Variants in LIPN observed in about 807,000 individuals in gnomAD.
LIPN encodes the protein lipase family member N.
In LIPN, 32 loss-of-function variants were observed where a neutral mutation model predicts 43.7. That is an observed-to-expected ratio of 0.73 (90% CI 0.55 to 0.98). LIPN has a LOEUF of 0.98. Ranked by LOEUF, LIPN falls within the 50% of genes least tolerant of loss-of-function variation. The pLI is 0.00. For synonymous variants in LIPN, 156 were observed against 157.6 expected, an observed-to-expected ratio of 0.99 and a Z score of 0.08; for missense variants, 505 against 483.8, an observed-to-expected ratio of 1.04 and a Z score of -0.41.
Position 88,775,178 on chromosome 10 carries a change from G to A in LIPN, c.963+15G>A. On this transcript the variant is annotated intron_variant, in intron 9 of 9. Transcript: ENST00000404459. ...ATTACAATCAGGTGAGCTATTTACA[G>A]TAACCCCAGCATGCTGATTTTGATA... 1.3e-6 allele frequency: 2 copies of A among 1,502,364 alleles called. No homozygotes were observed. Among genetic ancestry groups the A allele is most frequent in the Non-Finnish European group, 1.8e-6 (2 of 1,105,756 alleles). 93.1% of individuals were successfully genotyped at this position (1,502,364 alleles called of 1,614,324 possible).
intron 5 of LIPN, among the ~76,000 whole-genome samples, chr10:88,766,873 C>T (rs1201549708): frequency 6.6e-6 from 1 of 151,908 alleles, no homozygotes; most frequent in Non-Finnish European, 1.5e-5. Context: ...AACACACAAG[C>T]TTACTATAAT....
rs377211160 is a variant in LIPN, at chr10:88,770,955, C to T, written c.783C>T (p.Ser261=). ...ILWLICSEFM[S]LWAGSNKKNM... Reference sequence around the variant, plus strand: ...GGTTGATATGTAGCGAATTTATGTCCTTATGGGCTGGATCCAACAAGAAAA... The same window carrying T: ...GGTTGATATGTAGCGAATTTATGTCTTTATGGGCTGGATCCAACAAGAAAA... Residue 261 remains serine, a synonymous_variant, in exon 7 of 10, where the codon TCC becomes TCT. Transcript: ENST00000404459. 6.4e-6 allele frequency: 10 copies of T among 1,570,872 alleles called. No individual in the cohort carries two copies. Among genetic ancestry groups the T allele is most frequent in the South Asian group, 2.3e-5 (2 of 85,348 alleles).
At chr10:88,761,779 T>G (rs12268129) in intron 2 of LIPN, among the ~76,000 whole-genome samples, 37 of 145,320 alleles carry the variant, frequency 2.5e-4, no homozygotes, top group African/African-American at 4.9e-4. Flanking sequence ...ATCTATCTAT[T>G]TATCTATCTA....
At chr10:88,765,388 T>C (rs572230010) in intron 4 of LIPN, among the ~76,000 whole-genome samples, 1 of 152,032 alleles carries the variant, frequency 6.6e-6, no homozygotes, top group South Asian at 2.1e-4. Flanking sequence ...AGTTTGAGAA[T>C]AGTGGAGGAA....
chr10:88,777,565 T>C (rs1281977993), intron 9 of LIPN, among the ~76,000 whole-genome samples: 1 of 151,968 alleles, frequency 6.6e-6, no homozygotes. Context: ...ATTATCTGCC[T>C]CCAAGTTTAT....
rs189377154 is a variant in LIPN, at chr10:88,768,745, C to T, written c.536-47C>T. ...AGCCCCAATTTTGTTAGAAACACTG[C>T]GTAAGTATTTATTTTTACAAGATTG... On this transcript the variant is annotated intron_variant, in intron 5 of 9. Transcript: ENST00000404459. The T allele has an allele frequency of 6.3e-4, 986 of 1,565,456 alleles. 5 individuals carry two copies. The African/African-American group carries it at 9.9e-3, about 16-fold the overall frequency.
At chr10:88,776,565 C>T (rs910736454) in intron 9 of LIPN, among the ~76,000 whole-genome samples, 7 of 152,002 alleles carry the variant, frequency 4.6e-5, no homozygotes, top group African/African-American at 1.7e-4. Flanking sequence ...TACATTCTCT[C>T]CAAAAAACTA....
At chr10:88,763,468 T>A (rs1347631061) in intron 3 of LIPN, among the ~76,000 whole-genome samples, 3 of 152,054 alleles carry the variant, frequency 2.0e-5, no homozygotes, top group African/African-American at 7.2e-5. Flanking sequence ...ATTCATTAGA[T>A]GTAATGTTCT....
rs1232747892 is a variant in LIPN at position 88,779,115 on chromosome 10, C to G, written c.*873C>G. On this transcript the variant is annotated 3_prime_UTR_variant, in exon 10 of 10. Coordinates refer to ENST00000404459, the MANE Select transcript of LIPN (RefSeq NM_001102469.2). ...CCTCCATCTTAAAAGCAATGAGAAG[C>G]CACCAAAATATTTTACCTAATGGAA... Among the ~76,000 whole-genome samples the G allele has an allele frequency of 6.6e-6, 1 of 152,150 alleles. No homozygotes were observed. Among genetic ancestry groups the G allele is most frequent in the Non-Finnish European group, 1.5e-5 (1 of 68,026 alleles).
chr10:88,757,558 C>T (rs1486477376), upstream of LIPN, among the ~76,000 whole-genome samples: 48 of 152,032 alleles, frequency 3.2e-4, no homozygotes, highest in Admixed American at 3.1e-3. Flanking sequence ...TGTCACTTCT[C>T]TCTTCTATTA....
upstream of LIPN, among the ~76,000 whole-genome samples, chr10:88,759,586 C>T (rs1842967118): frequency 6.6e-6 from 1 of 152,086 alleles, no homozygotes; most frequent in Non-Finnish European, 1.5e-5. Context: ...ATTTAGGAGT[C>T]AGGGTTGCCT....
chr10:88,763,996 C>T (rs1843046373), intron 3 of LIPN, among the ~76,000 whole-genome samples: 1 of 151,966 alleles, frequency 6.6e-6, no homozygotes, highest in African/African-American at 2.4e-5. Context: ...TCAGGACAGA[C>T]TTTGACATAA....
chr10:88,765,282 T>C (rs1352122094), intron 4 of LIPN, among the ~76,000 whole-genome samples: 2 of 152,018 alleles, frequency 1.3e-5, no homozygotes, highest in Admixed American at 1.3e-4. Context: ...AGACTTTTCT[T>C]TCTTCAGGCC....
At chr10:88,776,574 T>C (rs191808907) in intron 9 of LIPN, among the ~76,000 whole-genome samples, 1 of 152,238 alleles carries the variant, frequency 6.6e-6, no homozygotes, top group African/African-American at 2.4e-5. Context: ...TCCAAAAAAC[T>C]AGTCTCAACA....
Position 88,775,110 on chromosome 10 carries a change from T to C in LIPN, c.910T>C (p.Phe304Leu), listed in dbSNP as rs541920672. The change falls in exon 9 of 10, where the codon TTC (phenylalanine) becomes CTC (leucine). Residue 304 changes from phenylalanine (F) to leucine (L), a missense_variant. Physicochemically the swap from Phe to Leu is conservative, Grantham distance 22 (BLOSUM62 0). Transcript: ENST00000404459. ...GTTTCAGCTTTACCACTCTGATGAATTCAGAGCTTATGACTGGGGAAATGA... is the reference window on the plus strand; with the variant it reads ...GTTTCAGCTTTACCACTCTGATGAACTCAGAGCTTATGACTGGGGAAATGA... ...HIKQLYHSDE[F>L]RAYDWGNDAD... is the part of the protein sequence containing the mutation. 6.5e-7 allele frequency: 1 copy of C among 1,543,662 alleles called. No individual in the cohort carries two copies. Among genetic ancestry groups the C allele is most frequent in the Admixed American group, 2.0e-5 (1 of 50,680 alleles).
At chr10:88,762,826 T>C (rs1400795250) in intron 3 of LIPN, among the ~76,000 whole-genome samples, 2 of 152,110 alleles carry the variant, frequency 1.3e-5, no homozygotes, top group Non-Finnish European at 2.9e-5. Context: ...CACTTTGATC[T>C]AAGGGACAGA....
At chr10:88,772,259 T>C (rs7909575) in intron 7 of LIPN, among the ~76,000 whole-genome samples, 3,304 of 152,040 alleles carry the variant, frequency 0.022, 42 homozygotes, top group African/African-American at 0.041. Flanking sequence ...GCTTTTTAGC[T>C]TGACGTAATC....
At chr10:88,772,875 A>G (rs1051331931) in intron 7 of LIPN, among the ~76,000 whole-genome samples, 4 of 151,802 alleles carry the variant, frequency 2.6e-5, no homozygotes, top group Admixed American at 2.0e-4. Context: ...GAAAGAAAAA[A>G]AAAACAAGAA....
intron 4 of LIPN, among the ~76,000 whole-genome samples, chr10:88,765,334 T>A (rs1843076347): frequency 6.6e-6 from 1 of 151,864 alleles, no homozygotes; most frequent in Non-Finnish European, 1.5e-5. Flanking sequence ...TAGAACAGAG[T>A]GTGTATTCCT....
Sources: allele counts gnomAD v4.1 joint callset (sites outside exome capture counted in the v4.1 genomes callset), GRCh38; gene constraint gnomAD v4.1.1; transcripts MANE v1.5; gene names NCBI Gene and HGNC (gene_info 2026-07-23, HGNC 2026-07-21).